The following FER variants were observed in gnomAD, a reference collection of about 807,000 sequenced individuals.
FER encodes the protein tyrosine-protein kinase Fer.
Under a neutral mutation model 111.0 loss-of-function variants are expected in FER, and 63 were observed. The ratio of observed to expected loss-of-function variants is 0.57; its 90% CI spans 0.46 to 0.70. The LOEUF (loss-of-function observed/expected upper bound fraction) is 0.70. FER is among the 30% of genes least tolerant of loss of function. The pLI, the probability that FER is intolerant of heterozygous loss-of-function variation, is 0.00. For synonymous variants in FER, 327 were observed against 313.9 expected (o/e 1.04, Z -0.44); for missense variants, 914 against 954.0 (o/e 0.96, Z 0.55).
intron 13 of FER, among the ~76,000 whole-genome samples, chr5:109,000,617 T>G (rs1376092475): frequency 6.6e-6 from 1 of 151,872 alleles, no homozygotes; most frequent in Non-Finnish European, 1.5e-5. Context: ...AGCAAACACA[T>G]TCAAAAGCTA....
At chr5:109,139,181 A>G (rs1166274481) in intron 17 of FER, among the ~76,000 whole-genome samples, 6 of 152,224 alleles carry the variant, frequency 3.9e-5, no homozygotes, top group Admixed American at 3.9e-4. Flanking sequence ...CAAGGATGGT[A>G]TATAGGAGTC....
intron 13 of FER, among the ~76,000 whole-genome samples, chr5:108,999,049 T>C (rs1479406433): frequency 6.6e-6 from 1 of 152,218 alleles, no homozygotes; most frequent in Non-Finnish European, 1.5e-5. Flanking sequence ...TTAATTTTTT[T>C]CTAACATTTG....
rs906320481 is a variant in FER, at chr5:109,195,509, A to T, written c.*7934A>T. 6.6e-6 allele frequency: 1 copy of T among 152,196 alleles called. No individual in the cohort carries two copies. The highest frequency in any genetic ancestry group is 2.4e-5 in the African/African-American group (1 of 41,458). 9.4% of individuals were successfully genotyped at this position (152,196 alleles called of 1,614,324 possible). A position where few individuals can be genotyped will look rare whatever the true frequency, so the allele number is the denominator to read the frequency against. ...CATAACAAGTAAATTTTATAATCCT[A>T]TGATTCTAAATTCAATCCCCAATAT... On this transcript the variant is annotated 3_prime_UTR_variant, in exon 20 of 20. Coordinates refer to ENST00000281092, the MANE Select transcript of FER (RefSeq NM_005246.4).
At chr5:109,186,403 G>C in intron 19 of FER, 81 bp downstream of exon 19, 1 of 1,602,804 alleles carries the variant, frequency 6.2e-7, no homozygotes, top group African/African-American at 1.3e-5. Context: ...GCTTGAGGAG[G>C]GGTGTGTTAA....
rs1758567612 is a variant in FER, at chr5:109,183,942, T to A, written c.2204-2258T>A. Among the ~76,000 whole-genome samples the A allele has an allele frequency of 2.0e-5, 3 of 152,210 alleles. No individual in the cohort carries two copies. In the South Asian group the frequency reaches 6.2e-4, roughly 32 times the overall value. ...TGAAAATACTCTTGATACAGTCTCA[T>A]ACTCTTCTCATAAGTGGCTGAGAAA... On this transcript the variant is annotated intron_variant, in intron 18 of 19. Coordinates refer to ENST00000281092, the MANE Select transcript of FER (RefSeq NM_005246.4).
intron 11 of FER, among the ~76,000 whole-genome samples, chr5:108,947,452 G>A (rs1051947863): frequency 6.6e-6 from 1 of 151,992 alleles, no homozygotes; most frequent in African/African-American, 2.4e-5. Flanking sequence ...AATGACTAAT[G>A]ATGTTGAGCA....
At chr5:108,799,953 G>A (rs1756453373) in intron 3 of FER, among the ~76,000 whole-genome samples, 4 of 149,888 alleles carry the variant, frequency 2.7e-5, no homozygotes, top group Admixed American at 2.0e-4. Flanking sequence ...GGTGATTCTT[G>A]TGTCTCCGCC....
At chr5:108,871,841 T>C (rs895818508) in intron 7 of FER, among the ~76,000 whole-genome samples, 2 of 152,052 alleles carry the variant, frequency 1.3e-5, no homozygotes, top group Non-Finnish European at 2.9e-5. Context: ...TACTTTTCCA[T>C]GGCATCTTAT....
chr5:108,821,760 C>A (rs1758868250), intron 3 of FER, among the ~76,000 whole-genome samples: 1 of 151,088 alleles, frequency 6.6e-6, no homozygotes, highest in African/African-American at 2.4e-5. Flanking sequence ...TTATGGTATA[C>A]CTTGTAATAT....
intron 16 of FER, among the ~76,000 whole-genome samples, chr5:109,068,593 T>C (rs1044353784): frequency 4.6e-5 from 7 of 152,232 alleles, no homozygotes; most frequent in African/African-American, 1.7e-4. Context: ...TTTGCCAGGC[T>C]AAACATGACC....
chr5:109,127,453 G>A (rs142590124), intron 17 of FER, among the ~76,000 whole-genome samples: 1 of 152,038 alleles, frequency 6.6e-6, no homozygotes, highest in Admixed American at 6.6e-5. Flanking sequence ...TGCCAGGCTG[G>A]AGTGCAGTGA....
chr5:108,912,179 C>A (rs1365719089), intron 10 of FER, among the ~76,000 whole-genome samples: 1 of 152,138 alleles, frequency 6.6e-6, no homozygotes, highest in African/African-American at 2.4e-5. Flanking sequence ...ATTACCCAGT[C>A]TCAGGTATGT....
Position 108,798,175 on chromosome 5 carries a change from C to A in FER, c.-8C>A, listed in dbSNP as rs1053290196. 3 of 1,613,042 alleles carry A rather than the reference C, an allele frequency of 1.9e-6. No individual in the cohort carries two copies. Among genetic ancestry groups the A allele is most frequent in the Non-Finnish European group, 2.5e-6 (3 of 1,179,350 alleles). On this transcript the variant is annotated 5_prime_UTR_variant, in exon 3 of 20. Transcript: ENST00000281092. ...GTGCAGTGTGGAGGATAACCAGTGC[C>A]TTACAAAATGGGGTTTGGGAGTGAC...
intron 13 of FER, among the ~76,000 whole-genome samples, chr5:108,972,595 T>C (rs1259647510): frequency 6.6e-6 from 1 of 152,184 alleles, no homozygotes; most frequent in African/African-American, 2.4e-5. Context: ...CCATTAAAGG[T>C]GTTTGAGAGC....
At chr5:109,061,443 A>G (rs575042121) in intron 16 of FER, among the ~76,000 whole-genome samples, 2 of 152,196 alleles carry the variant, frequency 1.3e-5, no homozygotes, top group Non-Finnish European at 1.5e-5. Flanking sequence ...TTACAAAGAA[A>G]CTATTAAATA....
At chr5:109,094,408 A>C (rs1341429354) in intron 16 of FER, among the ~76,000 whole-genome samples, 1 of 152,174 alleles carries the variant, frequency 6.6e-6, no homozygotes, top group African/African-American at 2.4e-5. Context: ...ATGATACTCA[A>C]AGGAAATGCC....
At chr5:109,030,015 A>G (rs933711165) in intron 13 of FER, among the ~76,000 whole-genome samples, 3 of 151,070 alleles carry the variant, frequency 2.0e-5, no homozygotes, top group Non-Finnish European at 2.9e-5. Flanking sequence ...CACCCAATCT[A>G]TTTTCTCTTT....
intron 9 of FER, chr5:108,894,547 G>T: frequency 7.4e-6 from 3 of 405,656 alleles, no homozygotes; most frequent in Non-Finnish European, 9.7e-6. Flanking sequence ...ACAGAATGGA[G>T]GGTTCCACAG....
chr5:108,965,556 A>G (rs1220453236), intron 13 of FER, among the ~76,000 whole-genome samples: 1 of 152,192 alleles, frequency 6.6e-6, no homozygotes, highest in Non-Finnish European at 1.5e-5. Context: ...GAATTTGATT[A>G]TTAATATTAT....
Sources: gnomAD v4.1 joint callset for allele counts (sites outside exome capture counted in the v4.1 genomes callset) on GRCh38, gnomAD v4.1.1 for gene constraint, MANE v1.5 for transcripts, NCBI Gene and HGNC (gene_info 2026-07-23, HGNC 2026-07-21) for gene names.